The following EDA variants were observed in gnomAD, a reference collection of about 807,000 sequenced individuals.
EDA encodes the protein ectodysplasin-A.
Under a neutral mutation model 23.6 loss-of-function variants are expected in EDA, and 2 were observed. That is an observed-to-expected ratio of 0.08 (90% CI 0.03 to 0.27). The LOEUF (loss-of-function observed/expected upper bound fraction) is 0.27. Ranked by LOEUF, EDA falls within the 10% of genes least tolerant of loss-of-function variation. EDA has a pLI of 1.00. For synonymous variants in EDA, 131 were observed against 132.0 expected (o/e 0.99, Z 0.05); for missense variants, 229 against 324.2 (o/e 0.71, Z 2.26).
At chrX:69,689,648 C>A (rs964673061) in intron 1 of EDA, among the ~76,000 whole-genome samples, 2 of 110,260 alleles carry the variant, frequency 1.8e-5, no homozygotes, top group South Asian at 7.8e-4. Context: ...CTTTGTTCTT[C>A]TTTATCAAGA....
chrX:69,949,495 A>G (rs2018882074), intron 1 of EDA, among the ~76,000 whole-genome samples: 1 of 111,648 alleles, frequency 9.0e-6, no homozygotes, highest in African/African-American at 3.3e-5. Flanking sequence ...AGGATTCTGC[A>G]TTTTGACACT....
rs202079519 is a variant in EDA, at chrX:69,856,254, GGTGTGTGTGT to G, written c.397-100738_397-100729del. 5.9e-3 allele frequency among the ~76,000 whole-genome samples: 443 copies of G among 74,923 alleles called. 2 individuals are homozygous for G. The highest frequency in any genetic ancestry group is 8.8e-3 in the Non-Finnish European group (346 of 39,175). 65.1% of individuals were successfully genotyped at this position (74,923 alleles called of 115,157 possible). A position where few individuals can be genotyped will look rare whatever the true frequency, so the allele number is the denominator to read the frequency against. ...TTTTTATGGCTGAGTAGTATTCCAT[GGTGTGTGTGT>G]GTGTGTGTGTGTGTGTGTGTGTGTG... On this transcript the variant is annotated intron_variant, in intron 1 of 7. Transcript: ENST00000374552.
At chrX:69,763,468 G>C (rs2014373089) in intron 1 of EDA, among the ~76,000 whole-genome samples, 1 of 112,162 alleles carries the variant, frequency 8.9e-6, no homozygotes, top group East Asian at 2.8e-4. Flanking sequence ...AGATTTATCA[G>C]TTCAAAAATA....
At chrX:69,794,854 G>A (rs2428149) in intron 1 of EDA, among the ~76,000 whole-genome samples, 33,284 of 110,476 alleles carry the variant, frequency 0.3, 4,743 homozygotes, top group Middle Eastern at 0.55. Context: ...GCTATTTACT[G>A]AAATAAGGAC....
At chrX:69,681,852 C>G (rs1479592763) in intron 1 of EDA, among the ~76,000 whole-genome samples, 1 of 111,831 alleles carries the variant, frequency 8.9e-6, no homozygotes, top group Non-Finnish European at 1.9e-5. Context: ...CGGCTTTGTT[C>G]CGTTGCTGGT....
intron 3 of EDA, among the ~76,000 whole-genome samples, chrX:70,027,647 AC>A (rs1182571657): frequency 2.7e-5 from 3 of 109,904 alleles, no homozygotes; most frequent in African/African-American, 1.0e-4. Context: ...ACATGGTGAA[AC>A]CCCGTCTCTA....
intron 1 of EDA, among the ~76,000 whole-genome samples, chrX:69,838,797 C>G: frequency 8.9e-6 from 1 of 111,836 alleles, no homozygotes; most frequent in Middle Eastern, 4.7e-3. Flanking sequence ...CTCAAGACTG[C>G]CTATCTCTCA....
chrX:69,946,608 CAGT>C (rs1425704924), intron 1 of EDA, among the ~76,000 whole-genome samples: 1 of 111,639 alleles, frequency 9.0e-6, no homozygotes, highest in African/African-American at 3.3e-5. Flanking sequence ...TTCTCAGAAT[CAGT>C]AGTCATCTGT....
intron 1 of EDA, among the ~76,000 whole-genome samples, chrX:69,887,080 T>G (rs1022031280): frequency 4.5e-5 from 5 of 111,855 alleles, no homozygotes; most frequent in Non-Finnish European, 7.5e-5. Context: ...CTCAGTGAGA[T>G]TCAAGGAAAC....
chrX:69,808,072 C>T (rs1244431741), intron 1 of EDA, among the ~76,000 whole-genome samples: 4 of 111,585 alleles, frequency 3.6e-5, no homozygotes, highest in Non-Finnish European at 7.5e-5. Flanking sequence ...ATATAAATTT[C>T]TGTGCTGACA....
At chrX:69,789,938 C>A (rs1269848405) in intron 1 of EDA, among the ~76,000 whole-genome samples, 1 of 111,839 alleles carries the variant, frequency 8.9e-6, no homozygotes, top group African/African-American at 3.2e-5. Flanking sequence ...AAAGTTGAAT[C>A]TAGCATGAAC....
At position 70,035,447 on chromosome X, in the gene EDA, G is replaced by A. The variant is rs750674219; in HGVS notation, c.1014G>A (p.Thr338=). Residue 338 remains threonine, a synonymous_variant, in exon 8 of 8, where the codon ACG becomes ACA. Transcript: ENST00000374552. ...PFLQCTRSIE[T]GKTNYNTCYT... is the part of the protein sequence containing the mutation. Reference sequence around the variant, plus strand: ...TGCAGTGCACACGCAGCATCGAGACGGGCAAGACCAACTACAACACTTGCT... The same window carrying A: ...TGCAGTGCACACGCAGCATCGAGACAGGCAAGACCAACTACAACACTTGCT... 40 of 1,207,869 alleles carry A rather than the reference G, an allele frequency of 3.3e-5. No individual in the cohort carries two copies. The South Asian group carries it at 4.8e-4, about 14-fold the overall frequency.
intron 2 of EDA, among the ~76,000 whole-genome samples, chrX:70,007,362 C>A (rs994932096): frequency 2.7e-5 from 3 of 111,263 alleles, no homozygotes; most frequent in African/African-American, 9.8e-5. Flanking sequence ...TGTGGAGGGG[C>A]CTGGTGGGAA....
At chrX:69,788,020 T>A (rs2015257220) in intron 1 of EDA, among the ~76,000 whole-genome samples, 2 of 111,438 alleles carry the variant, frequency 1.8e-5, no homozygotes, top group Admixed American at 9.6e-5. Flanking sequence ...TATACTTCCC[T>A]TCTCGCTTCA....
At chrX:70,016,921 C>T (rs899264023) in intron 2 of EDA, among the ~76,000 whole-genome samples, 2 of 110,739 alleles carry the variant, frequency 1.8e-5, no homozygotes, top group African/African-American at 6.6e-5. Flanking sequence ...TGAAATCATA[C>T]TTGGTTTTTT....
intron 2 of EDA, among the ~76,000 whole-genome samples, chrX:69,994,653 T>A (rs2019632462): frequency 8.9e-6 from 1 of 112,100 alleles, no homozygotes; most frequent in South Asian, 3.7e-4. Context: ...AAAGAATTTC[T>A]TGGCCCTGAG....
At chrX:69,800,593 G>GGAGACTGATGAATAAT (rs1182372502) in intron 1 of EDA, among the ~76,000 whole-genome samples, 1 of 111,265 alleles carries the variant, frequency 9.0e-6, no homozygotes, top group Non-Finnish European at 1.9e-5. Context: ...AAGAGGGGCT[G>GGAGACTGATGAATAAT]GAGACTGATG....
At chrX:69,657,746 G>A (rs1177724056) in intron 1 of EDA, among the ~76,000 whole-genome samples, 2 of 111,713 alleles carry the variant, frequency 1.8e-5, no homozygotes, top group African/African-American at 6.5e-5. Context: ...TTTCTCTCCT[G>A]TTTACTTTTG....
intron 1 of EDA, among the ~76,000 whole-genome samples, chrX:69,956,066 C>A (rs2018995654): frequency 8.9e-6 from 1 of 111,749 alleles, no homozygotes; most frequent in African/African-American, 3.3e-5. Flanking sequence ...GTCTTATAGA[C>A]CACAAGTGCT....
Sources: allele counts gnomAD v4.1 joint callset (sites outside exome capture counted in the v4.1 genomes callset), GRCh38; gene constraint gnomAD v4.1.1; transcripts MANE v1.5; gene names NCBI Gene and HGNC (gene_info 2026-07-23, HGNC 2026-07-21).